The following KSR1 variants were observed in gnomAD, a reference collection of about 807,000 sequenced individuals.
The protein encoded by KSR1 is kinase suppressor of ras.
Under a neutral mutation model 92.9 loss-of-function variants are expected in KSR1, and 35 were observed. The observed-to-expected ratio is 0.38, with a 90% CI of 0.29 to 0.50. KSR1 has a LOEUF of 0.50. KSR1 is among the 20% of genes least tolerant of loss of function. The pLI is 0.94. For missense variants in KSR1, 972 were observed against 1,158.5 expected (o/e 0.84, Z 2.34); for synonymous variants, 467 against 472.6 (o/e 0.99, Z 0.15).
chr17:27,526,094 T>TTCTTTCTTTCTCTCTCTC lies in KSR1; in HGVS notation c.232-24471_232-24470insTTCTTTCTCTCTCTCTCT, dbSNP rs55706224. 6.5e-4 allele frequency among the ~76,000 whole-genome samples: 77 copies of TTCTTTCTTTCTCTCTCTC among 118,462 alleles called. 1 individual carries two copies. The highest frequency in any genetic ancestry group is 1.7e-3 in the African/African-American group (48 of 27,962). 77.7% of individuals were successfully genotyped at this position (118,462 alleles called of 152,430 possible). A position where few individuals can be genotyped will look rare whatever the true frequency, so the allele number is the denominator to read the frequency against. ...TCTCTTTCTTTCTTTCTTTCTTTCT[T>TTCTTTCTTTCTCTCTCTC]TCTCTCTCTCTCTCTCTCTCTCTCA... is the stretch of plus-strand genomic sequence containing the variant. On this transcript the variant is annotated intron_variant, in intron 1 of 20. Transcript: ENST00000644974.
intron 3 of KSR1, among the ~76,000 whole-genome samples, chr17:27,580,723 C>T (rs1246335671): frequency 6.6e-6 from 1 of 152,148 alleles, no homozygotes; most frequent in African/African-American, 2.4e-5. Context: ...GGAGGCAGGG[C>T]TTGTGCAATA....
chr17:27,620,767 C>T (rs2074201840), intron 19 of KSR1, among the ~76,000 whole-genome samples: 3 of 152,150 alleles, frequency 2.0e-5, no homozygotes, highest in South Asian at 2.1e-4. Flanking sequence ...TTCTCCGTGA[C>T]GAAAGAAAAG....
chr17:27,571,176 G>T (rs2072291709), intron 2 of KSR1, among the ~76,000 whole-genome samples: 2 of 152,264 alleles, frequency 1.3e-5, no homozygotes, highest in South Asian at 4.2e-4. Context: ...CCAGGGGTGG[G>T]GTAGTGAGGA....
chr17:27,585,943 T>TAATGATCCG, intron 5 of KSR1: 1 of 455,070 alleles, frequency 2.2e-6, no homozygotes, highest in Non-Finnish European at 4.0e-6. Context: ...GTCTCCACCT[T>TAATGATCCG]GCCCTTCCCC....
intron 9 of KSR1, 103 bp from the exon 10 acceptor site, chr17:27,597,165 G>C (rs565155275): frequency 1.6e-6 from 2 of 1,287,792 alleles, no homozygotes; most frequent in Non-Finnish European, 1.1e-6. Context: ...AGGATTCCCT[G>C]GGCTGACTGC....
At chr17:27,476,125 G>A (rs1244935486) in intron 1 of KSR1, among the ~76,000 whole-genome samples, 2 of 152,202 alleles carry the variant, frequency 1.3e-5, no homozygotes, top group African/African-American at 4.8e-5. Flanking sequence ...CTTGGGTAGA[G>A]CAGTGGACTG....
intron 9 of KSR1, among the ~76,000 whole-genome samples, chr17:27,594,646 A>G (rs1049723432): frequency 1.3e-5 from 2 of 152,188 alleles, no homozygotes; most frequent in Non-Finnish European, 2.9e-5. Flanking sequence ...ATGATAACAT[A>G]AGCTAACCAT....
chr17:27,529,464 G>A (rs1185884815), intron 1 of KSR1, among the ~76,000 whole-genome samples: 1 of 152,170 alleles, frequency 6.6e-6, no homozygotes, highest in African/African-American at 2.4e-5. Flanking sequence ...AGGGCCACCT[G>A]GTGAGGCTTC....
chr17:27,562,009 C>G (rs1056666198), intron 2 of KSR1, among the ~76,000 whole-genome samples: 11 of 152,148 alleles, frequency 7.2e-5, no homozygotes, highest in African/African-American at 2.7e-4. Context: ...CCACACCCGG[C>G]TAATTTTTGT....
At chr17:27,551,449 C>T (rs1661785217) in intron 2 of KSR1, among the ~76,000 whole-genome samples, 1 of 152,116 alleles carries the variant, frequency 6.6e-6, no homozygotes, top group Non-Finnish European at 1.5e-5. Flanking sequence ...GCTTTTGCTG[C>T]TGTGTAAAAA....
At chr17:27,491,772 G>C (rs1205377467) in intron 1 of KSR1, among the ~76,000 whole-genome samples, 1 of 152,166 alleles carries the variant, frequency 6.6e-6, no homozygotes, top group Non-Finnish European at 1.5e-5. Flanking sequence ...GGTCTGTGTG[G>C]GGAAGTGGCC....
At chr17:27,601,759 A>G (rs2073566301) in intron 11 of KSR1, 5 of 672,684 alleles carry the variant, frequency 7.4e-6, no homozygotes, top group Non-Finnish European at 1.3e-5. Flanking sequence ...TTATGAGCAT[A>G]TGTCACCGTA....
chr17:27,576,224 T>C (rs1214498360), intron 2 of KSR1, among the ~76,000 whole-genome samples: 12 of 152,160 alleles, frequency 7.9e-5, no homozygotes, highest in Admixed American at 7.9e-4. Flanking sequence ...TAATTTCCCT[T>C]TTGCTGTATA....
chr17:27,590,747 C>A (rs760040325), intron 6 of KSR1, 64 bp from the exon 7 acceptor site: 8 of 1,490,636 alleles, frequency 5.4e-6, no homozygotes, highest in Non-Finnish European at 7.3e-6. Flanking sequence ...CATGGGAAAC[C>A]TTCTGTGGCT....
chr17:27,472,731 A>T (rs140152243), intron 1 of KSR1, among the ~76,000 whole-genome samples: 1 of 152,252 alleles, frequency 6.6e-6, no homozygotes, highest in East Asian at 1.9e-4. Context: ...TGAACCTGGG[A>T]GACGGAGGTT....
chr17:27,510,381 T>G (rs2069555326), intron 1 of KSR1, among the ~76,000 whole-genome samples: 1 of 152,182 alleles, frequency 6.6e-6, no homozygotes, highest in Admixed American at 6.5e-5. Flanking sequence ...TGATAAAACT[T>G]ATTCACTGAA....
chr17:27,466,911 G>A (rs567554450), intron 1 of KSR1, among the ~76,000 whole-genome samples: 9 of 152,334 alleles, frequency 5.9e-5, no homozygotes, highest in African/African-American at 2.2e-4. Context: ...TGAGTCAAAT[G>A]GATGCATGTG....
At chr17:27,500,232 TC>T (rs1189439279) in intron 1 of KSR1, among the ~76,000 whole-genome samples, 1 of 152,134 alleles carries the variant, frequency 6.6e-6, no homozygotes, top group Non-Finnish European at 1.5e-5. Context: ...GTCAGAAGCC[TC>T]CTAGAAATGA....
chr17:27,617,214 G>A (rs1316218647), intron 18 of KSR1, 81 bp from the exon 19 acceptor site: 3 of 1,436,030 alleles, frequency 2.1e-6, no homozygotes, highest in Non-Finnish European at 2.8e-6. Flanking sequence ...ACATCAAAGG[G>A]ACCCTTTGTG....
Sources: gnomAD v4.1 joint callset for allele counts (sites outside exome capture counted in the v4.1 genomes callset) on GRCh38, gnomAD v4.1.1 for gene constraint, MANE v1.5 for transcripts, NCBI Gene and HGNC (gene_info 2026-07-23, HGNC 2026-07-21) for gene names.